USP32: variants seen among roughly 807,000 people sequenced by gnomAD.
USP32 encodes the protein ubiquitin carboxyl-terminal hydrolase 32.
Under a neutral mutation model 204.8 loss-of-function variants are expected in USP32, and 59 were observed. That is an observed-to-expected ratio of 0.29 (90% CI 0.23 to 0.36). The LOEUF (loss-of-function observed/expected upper bound fraction) is 0.36. Among genes scored for constraint, USP32 ranks in the 10% least tolerant of loss-of-function variants. USP32 has a pLI of 1.00. For synonymous variants in USP32, 517 were observed against 678.4 expected (o/e 0.76, Z 3.70); for missense variants, 1,160 against 1,946.4 (o/e 0.60, Z 7.60).
chr17:60,280,119 G>A (rs902670866), intron 5 of USP32, among the ~76,000 whole-genome samples: 5 of 151,926 alleles, frequency 3.3e-5, no homozygotes, highest in Non-Finnish European at 5.9e-5. Context: ...TTTTTGAGAT[G>A]GAGTTTCACT....
intron 2 of USP32, chr17:60,305,325 G>C (rs1399739229): frequency 6.6e-6 from 1 of 152,146 alleles, no homozygotes; most frequent in Non-Finnish European, 1.5e-5. Context: ...GGAAGCATGA[G>C]AGAGAGGAGG....
intron 7 of USP32, among the ~76,000 whole-genome samples, chr17:60,268,708 T>C (rs2086660134): frequency 6.6e-6 from 1 of 152,156 alleles, no homozygotes. Context: ...TTTGAATTTT[T>C]AGTTGAAAAA....
At chr17:60,212,437 T>C (rs879224935) in intron 18 of USP32, among the ~76,000 whole-genome samples, 20 of 152,328 alleles carry the variant, frequency 1.3e-4, no homozygotes, top group African/African-American at 4.6e-4. Context: ...CTAAACATGT[T>C]AGAACATAGA....
chr17:60,391,629 C>A (rs2089835613), intron 1 of USP32, among the ~76,000 whole-genome samples: 1 of 152,194 alleles, frequency 6.6e-6, no homozygotes, highest in Non-Finnish European at 1.5e-5. Context: ...ACGCCACCAG[C>A]GAGCACGGGC....
At chr17:60,360,239 C>T (rs1337897155) in intron 1 of USP32, among the ~76,000 whole-genome samples, 1 of 152,150 alleles carries the variant, frequency 6.6e-6, no homozygotes, top group African/African-American at 2.4e-5. Flanking sequence ...CTTTGGGATG[C>T]GAGGTGGCCT....
intron 4 of USP32, among the ~76,000 whole-genome samples, chr17:60,292,590 A>G (rs189340694): frequency 6.6e-6 from 1 of 152,274 alleles, no homozygotes; most frequent in East Asian, 1.9e-4. Flanking sequence ...ATTCTAGGCC[A>G]ACTCTACCTT....
intron 1 of USP32, among the ~76,000 whole-genome samples, chr17:60,359,677 G>A (rs1371507138): frequency 1.3e-5 from 2 of 151,994 alleles, no homozygotes; most frequent in Admixed American, 1.3e-4. Context: ...ATGGTGGTGT[G>A]CACCTGTACC....
At chr17:60,187,069 G>A (rs1205093180) in intron 29 of USP32, among the ~76,000 whole-genome samples, 1 of 152,160 alleles carries the variant, frequency 6.6e-6, no homozygotes, top group East Asian at 1.9e-4. Context: ...CCCTTCCAGA[G>A]GTGAACTTCC....
upstream of USP32, among the ~76,000 whole-genome samples, chr17:60,393,232 T>A (rs946446159): frequency 3.9e-5 from 6 of 152,210 alleles, no homozygotes; most frequent in African/African-American, 1.4e-4. Context: ...TGTGACTGGC[T>A]TATTTCACTT....
chr17:60,220,528 T>G (rs375134848), intron 15 of USP32, among the ~76,000 whole-genome samples: 11 of 151,736 alleles, frequency 7.2e-5, no homozygotes, highest in South Asian at 2.1e-4. Context: ...TTAAGTAGTT[T>G]TAACCTGCTT....
At chr17:60,269,012 T>C (rs1421193291) in intron 7 of USP32, among the ~76,000 whole-genome samples, 1 of 152,222 alleles carries the variant, frequency 6.6e-6, no homozygotes, top group Non-Finnish European at 1.5e-5. Context: ...AAAAAGATCA[T>C]TTTAGTATTT....
chr17:60,235,550 G>A lies in USP32; in HGVS notation c.1239+588C>T, dbSNP rs191473213. ...TAGGAATCAAATGATTAGAATTTTC[G>A]TTAGTGATCATTTGGCAATGAGTGT... On this transcript the variant is annotated intron_variant, in intron 12 of 33. Coordinates refer to ENST00000300896, the MANE Select transcript of USP32 (RefSeq NM_032582.4). Among the ~76,000 whole-genome samples the A allele has an allele frequency of 1.2e-4, 18 of 152,268 alleles. 1 individual carries two copies. In the East Asian group the frequency reaches 2.3e-3, roughly 20 times the overall value.
chr17:60,313,553 A>C (rs2087904313), intron 2 of USP32, among the ~76,000 whole-genome samples: 1 of 152,064 alleles, frequency 6.6e-6, no homozygotes, highest in African/African-American at 2.4e-5. Flanking sequence ...CCTGAAGTCT[A>C]AGCAAAGAAC....
intron 2 of USP32, among the ~76,000 whole-genome samples, chr17:60,319,559 C>T (rs911954172): frequency 6.6e-6 from 1 of 152,198 alleles, no homozygotes; most frequent in Admixed American, 6.5e-5. Context: ...GGGCAGATTG[C>T]TTGAGCCCAG....
At chr17:60,348,567 G>T (rs1288611332) in intron 1 of USP32, among the ~76,000 whole-genome samples, 2 of 152,104 alleles carry the variant, frequency 1.3e-5, no homozygotes, top group South Asian at 2.1e-4. Flanking sequence ...TTGAGACCAG[G>T]AGTTAGAGAC....
At chr17:60,277,894 A>T (rs866464804) in intron 5 of USP32, among the ~76,000 whole-genome samples, 2 of 105,864 alleles carry the variant, frequency 1.9e-5, no homozygotes, top group African/African-American at 1.4e-4. Context: ...TATGACTATT[A>T]AAAAAATAAC....
chr17:60,290,190 C>T (rs895726829), intron 4 of USP32, among the ~76,000 whole-genome samples: 4 of 152,178 alleles, frequency 2.6e-5, no homozygotes, highest in Admixed American at 2.0e-4. Flanking sequence ...CCACCACCAT[C>T]GCCCACCAAC....
In USP32 at chr17:60,391,802, C is replaced by T. The variant is rs944310761; in HGVS notation, c.58+80G>A. 5.2e-6 allele frequency: 8 copies of T among 1,523,852 alleles called. No individual in the cohort carries two copies. In the South Asian group the frequency reaches 9.6e-5, roughly 18 times the overall value. 94.4% of individuals were successfully genotyped at this position (1,523,852 alleles called of 1,614,324 possible). A position where few individuals can be genotyped will look rare whatever the true frequency, so the allele number is the denominator to read the frequency against. The stretch of plus-strand genomic sequence containing the variant: ...AGGCGCCCCACGCCCTCAATCTCCC[C>T]TCTCCCTCCCGGTTACCCACCCTCC... On this transcript the variant is annotated intron_variant, in intron 1 of 33. Transcript: ENST00000300896.
At chr17:60,231,754 A>T (rs919872896) in intron 12 of USP32, 5 of 332,028 alleles carry the variant, frequency 1.5e-5, no homozygotes, top group Non-Finnish European at 3.1e-5. Flanking sequence ...TCAAAAAGGA[A>T]GATACACATT....
Sources: allele counts gnomAD v4.1 joint callset (sites outside exome capture counted in the v4.1 genomes callset), GRCh38; gene constraint gnomAD v4.1.1; transcripts MANE v1.5; gene names NCBI Gene and HGNC (gene_info 2026-07-23, HGNC 2026-07-21).